The following CSMD2 variants were observed in gnomAD, a reference collection of about 807,000 sequenced individuals.
CSMD2 encodes CUB and Sushi multiple domains 2.
In CSMD2, 130 loss-of-function variants were observed where a neutral mutation model predicts 398.5. The observed-to-expected ratio is 0.33, with a 90% CI of 0.28 to 0.38. The LOEUF is 0.38. Among genes scored for constraint, CSMD2 ranks in the 10% least tolerant of loss-of-function variants. CSMD2 has a pLI of 1.00. For synonymous variants in CSMD2, 1,828 were observed against 1,908.5 expected (o/e 0.96, Z 1.10); for missense variants, 3,829 against 4,764.9 (o/e 0.80, Z 5.78).
At chr1:33,802,953 T>G (rs1395016063) in intron 10 of CSMD2, among the ~76,000 whole-genome samples, 1 of 152,200 alleles carries the variant, frequency 6.6e-6, no homozygotes, top group Non-Finnish European at 1.5e-5. Context: ...CTGCCCATCC[T>G]GGCCTCCACA....
At chr1:33,804,986 C>T (rs908098822) in intron 10 of CSMD2, 3 of 684,972 alleles carry the variant, frequency 4.4e-6, no homozygotes, top group Admixed American at 2.1e-5. Flanking sequence ...ATATTAGAAA[C>T]ACTGCTCTGC....
intron 5 of CSMD2, among the ~76,000 whole-genome samples, chr1:33,909,781 C>T (rs1229289206): frequency 1.3e-5 from 2 of 152,178 alleles, no homozygotes; most frequent in Non-Finnish European, 2.9e-5. Context: ...TTTTATCTGA[C>T]CACCTTCACC....
At chr1:33,989,024 A>G (rs1162700371) in intron 3 of CSMD2, among the ~76,000 whole-genome samples, 2 of 6,784 alleles carry the variant, frequency 2.9e-4, no homozygotes, top group Non-Finnish European at 5.8e-4. Flanking sequence ...ATATATATAT[A>G]TATATATATA....
At chr1:33,913,125 C>G (rs1470505862) in intron 5 of CSMD2, among the ~76,000 whole-genome samples, 1 of 152,192 alleles carries the variant, frequency 6.6e-6, no homozygotes, top group Non-Finnish European at 1.5e-5. Flanking sequence ...TTCTGCTTAA[C>G]AAAGCAGCTA....
chr1:33,521,960 G>A lies in CSMD2; in HGVS notation c.10510-410C>T, dbSNP rs539147017. 4.6e-5 allele frequency among the ~76,000 whole-genome samples: 7 copies of A among 152,240 alleles called. No individual in the cohort carries two copies. In the East Asian group the frequency reaches 7.7e-4, roughly 17 times the overall value. On this transcript the variant is annotated intron_variant, in intron 67 of 70. Coordinates refer to ENST00000373381, the MANE Select transcript of CSMD2 (RefSeq NM_001281956.2). The stretch of plus-strand genomic sequence containing the variant: ...GCTGTTATTACTGTGATGAAAAACC[G>A]CCTTTTGGAGCATTATGGAACACAC...
chr1:33,854,296 T>G (rs1638917978), intron 5 of CSMD2, among the ~76,000 whole-genome samples: 1 of 152,058 alleles, frequency 6.6e-6, no homozygotes, highest in African/African-American at 2.4e-5. Flanking sequence ...CCTTGGAGAG[T>G]GCTTGACATA....
chr1:33,772,418 G>C (rs1651401272), intron 13 of CSMD2, 151 bp downstream of exon 13: 1 of 633,502 alleles, frequency 1.6e-6, no homozygotes. Context: ...GACCCCACCA[G>C]CAACGTTCCG....
chr1:33,960,744 T>G (rs1448952880), intron 3 of CSMD2, among the ~76,000 whole-genome samples: 1 of 152,216 alleles, frequency 6.6e-6, no homozygotes, highest in Non-Finnish European at 1.5e-5. Flanking sequence ...ACAGGATCTC[T>G]CTGGGGGATG....
intron 24 of CSMD2, among the ~76,000 whole-genome samples, chr1:33,696,025 G>A (rs1361318449): frequency 6.6e-6 from 1 of 152,196 alleles, no homozygotes; most frequent in East Asian, 1.9e-4. Flanking sequence ...TGGCAGCAGG[G>A]ACCTTGTCTT....
chr1:33,917,127 G>A (rs1460503983), intron 5 of CSMD2, among the ~76,000 whole-genome samples: 3 of 152,026 alleles, frequency 2.0e-5, no homozygotes, highest in Non-Finnish European at 2.9e-5. Flanking sequence ...GCCCAGCCCC[G>A]CACCCAGGGC....
rs553121909 is a variant in CSMD2, at chr1:33,712,616, T to G, written c.3406+1971A>C. Among the ~76,000 whole-genome samples the G allele has an allele frequency of 3.3e-5, 5 of 152,320 alleles. No individual in the cohort carries two copies. In the East Asian group the frequency reaches 7.7e-4, roughly 23 times the overall value. Reference sequence around the variant, plus strand: ...CATGAACAAACAGTAATTGGAATAATAAGTTAAAGAATGAGTTTATGTAAT... The same window carrying G: ...CATGAACAAACAGTAATTGGAATAAGAAGTTAAAGAATGAGTTTATGTAAT... On this transcript the variant is annotated intron_variant, in intron 21 of 70. Coordinates refer to ENST00000373381, the MANE Select transcript of CSMD2 (RefSeq NM_001281956.2).
intron 12 of CSMD2, among the ~76,000 whole-genome samples, chr1:33,784,575 C>A (rs1466749882): frequency 6.6e-6 from 1 of 152,218 alleles, no homozygotes; most frequent in African/African-American, 2.4e-5. Flanking sequence ...TCTGGCTCCA[C>A]GCCCTGCACT....
intron 60 of CSMD2, 103 bp downstream of exon 60, chr1:33,540,422 G>C: frequency 8.5e-7 from 1 of 1,171,334 alleles, no homozygotes; most frequent in Non-Finnish European, 1.2e-6. Flanking sequence ...TGGTTTTGGG[G>C]AGGGGACTAC....
intron 5 of CSMD2, among the ~76,000 whole-genome samples, chr1:33,913,637 C>T (rs1643576519): frequency 1.3e-5 from 2 of 152,154 alleles, no homozygotes; most frequent in African/African-American, 4.8e-5. Flanking sequence ...CCTAAGATGA[C>T]ACAACTACTG....
intron 44 of CSMD2, among the ~76,000 whole-genome samples, chr1:33,595,888 T>C (rs571179345): frequency 1.3e-5 from 2 of 152,228 alleles, no homozygotes; most frequent in South Asian, 4.1e-4. Flanking sequence ...ATCACTGCTC[T>C]GAAGCCTTCT....
At chr1:33,568,137 A>AAAAC (rs949792579) in intron 52 of CSMD2, among the ~76,000 whole-genome samples, 6 of 151,400 alleles carry the variant, frequency 4.0e-5, no homozygotes, top group Non-Finnish European at 5.9e-5. Context: ...CTTCTATAAA[A>AAAAC]AAACAAACAA....
At chr1:33,907,086 A>G (rs1455867411) in intron 5 of CSMD2, among the ~76,000 whole-genome samples, 1 of 147,574 alleles carries the variant, frequency 6.8e-6, no homozygotes, top group South Asian at 2.2e-4. Context: ...GGAATGGGGT[A>G]GGGGTGGGGT....
chr1:33,751,302 A>G (rs1219416699), intron 13 of CSMD2, among the ~76,000 whole-genome samples: 2 of 152,036 alleles, frequency 1.3e-5, no homozygotes, highest in Non-Finnish European at 2.9e-5. Flanking sequence ...AAAACACAGG[A>G]GAGTGGTGTC....
intron 5 of CSMD2, among the ~76,000 whole-genome samples, chr1:33,866,170 T>C (rs1229645911): frequency 6.6e-6 from 1 of 152,140 alleles, no homozygotes; most frequent in African/African-American, 2.4e-5. Context: ...TGAGAGGTAA[T>C]ACAGTGATTT....
Sources: allele counts gnomAD v4.1 joint callset (sites outside exome capture counted in the v4.1 genomes callset), GRCh38; gene constraint gnomAD v4.1.1; transcripts MANE v1.5; gene names NCBI Gene and HGNC (gene_info 2026-07-23, HGNC 2026-07-21).